The following KCNIP4 variants were observed in gnomAD, a reference collection of about 807,000 sequenced individuals.
KCNIP4 encodes Kv channel-interacting protein 4.
Under a neutral mutation model 34.0 loss-of-function variants are expected in KCNIP4, and 12 were observed. The ratio of observed to expected loss-of-function variants is 0.35; its 90% CI spans 0.23 to 0.57. The LOEUF (loss-of-function observed/expected upper bound fraction) is 0.57. Among genes scored for constraint, KCNIP4 ranks in the 20% least tolerant of loss-of-function variants. The pLI, the probability that KCNIP4 is intolerant of heterozygous loss-of-function variation, is 0.83. For synonymous variants in KCNIP4, 124 were observed against 102.2 expected, an observed-to-expected ratio of 1.21 and a Z score of -1.29; for missense variants, 238 against 311.7, an observed-to-expected ratio of 0.76 and a Z score of 1.78.
intron 1 of KCNIP4, among the ~76,000 whole-genome samples, chr4:21,101,529 T>C (rs1157887788): frequency 6.6e-6 from 1 of 152,112 alleles, no homozygotes; most frequent in Non-Finnish European, 1.5e-5. Flanking sequence ...CTTTTATTTA[T>C]ATAAAATATC....
chr4:21,921,574 C>T (rs968375324), intron 1 of KCNIP4, among the ~76,000 whole-genome samples: 31 of 152,090 alleles, frequency 2.0e-4, no homozygotes, highest in Non-Finnish European at 7.3e-5. Context: ...TTCTTCTTTC[C>T]TCAGTTTTCC....
chr4:21,319,499 C>T (rs1234752778), intron 1 of KCNIP4, among the ~76,000 whole-genome samples: 1 of 152,220 alleles, frequency 6.6e-6, no homozygotes. Context: ...CACCACTCTG[C>T]AGCTCTGGAG....
chr4:21,634,843 C>T (rs1199366630), intron 1 of KCNIP4, among the ~76,000 whole-genome samples: 1 of 152,002 alleles, frequency 6.6e-6, no homozygotes, highest in African/African-American at 2.4e-5. Flanking sequence ...TATCACATTT[C>T]CCTTTAAAGA....
chr4:21,701,788 C>T (rs1712862591), intron 1 of KCNIP4, among the ~76,000 whole-genome samples: 1 of 152,104 alleles, frequency 6.6e-6, no homozygotes, highest in Non-Finnish European at 1.5e-5. Flanking sequence ...ACTGCAACCT[C>T]TACCTCCTGG....
At position 21,814,942 on chromosome 4, in the gene KCNIP4, G is replaced by C. The variant is rs188117987; in HGVS notation, c.61+133629C>G. On this transcript the variant is annotated intron_variant, in intron 1 of 8. Transcript: ENST00000382152. ...GCCTGAGCTCTAACAATCTTACCGG[G>C]GCAACTTTGGCAACATCACATCCTC... Among the ~76,000 whole-genome samples the C allele has an allele frequency of 3.2e-3, 482 of 152,124 alleles. 2 individuals carry two copies. The highest frequency in any genetic ancestry group is 0.011 in the African/African-American group (451 of 41,502).
At chr4:21,273,356 G>C (rs531641984) in intron 1 of KCNIP4, among the ~76,000 whole-genome samples, 1 of 152,170 alleles carries the variant, frequency 6.6e-6, no homozygotes, top group South Asian at 2.1e-4. Flanking sequence ...TGGAGCAATG[G>C]AGAAATTGCT....
intron 1 of KCNIP4, among the ~76,000 whole-genome samples, chr4:21,280,340 G>A (rs1326989503): frequency 6.6e-6 from 1 of 152,136 alleles, no homozygotes; most frequent in Non-Finnish European, 1.5e-5. Context: ...GTGGAGAGGT[G>A]TAAGGCAGGT....
At chr4:21,590,042 T>C (rs770211251) in intron 1 of KCNIP4, among the ~76,000 whole-genome samples, 18 of 152,034 alleles carry the variant, frequency 1.2e-4, no homozygotes, top group Non-Finnish European at 2.4e-4. Context: ...AAAAGATTAC[T>C]ATTAGCATTT....
intron 3 of KCNIP4, among the ~76,000 whole-genome samples, chr4:20,792,093 G>T (rs914287768): frequency 1.3e-5 from 2 of 152,206 alleles, no homozygotes; most frequent in Non-Finnish European, 2.9e-5. Context: ...CAAGATAGAG[G>T]CTGGGTGCAA....
chr4:21,898,746 C>T (rs187458440), intron 1 of KCNIP4, among the ~76,000 whole-genome samples: 3 of 152,256 alleles, frequency 2.0e-5, no homozygotes, highest in Admixed American at 6.5e-5. Context: ...AAAGAGACTT[C>T]TTCTGTTTGA....
At chr4:20,897,169 T>A (rs1726635004) in intron 1 of KCNIP4, among the ~76,000 whole-genome samples, 1 of 152,226 alleles carries the variant, frequency 6.6e-6, no homozygotes, top group South Asian at 2.1e-4. Flanking sequence ...GAATAACTGA[T>A]GACTTTCCAT....
chr4:21,387,001 T>C (rs1427425732), intron 1 of KCNIP4, among the ~76,000 whole-genome samples: 1 of 152,206 alleles, frequency 6.6e-6, no homozygotes, highest in African/African-American at 2.4e-5. Context: ...AACTTCATTT[T>C]GCTATGGGCT....
chr4:20,853,914 A>G (rs1267245758), intron 2 of KCNIP4, among the ~76,000 whole-genome samples: 1 of 152,226 alleles, frequency 6.6e-6, no homozygotes, highest in East Asian at 1.9e-4. Flanking sequence ...ACTAATGATC[A>G]GGGAAATGCA....
At chr4:21,084,087 C>T (rs1488919003) in intron 1 of KCNIP4, among the ~76,000 whole-genome samples, 1 of 151,846 alleles carries the variant, frequency 6.6e-6, no homozygotes, top group Non-Finnish European at 1.5e-5. Context: ...GCTGTGGCTC[C>T]AGCAGGACTG....
chr4:20,742,364 C>T (rs919550579), intron 5 of KCNIP4, among the ~76,000 whole-genome samples: 3 of 152,078 alleles, frequency 2.0e-5, no homozygotes, highest in Non-Finnish European at 4.4e-5. Flanking sequence ...AAAAGCTTAT[C>T]CACCACTATC....
intron 1 of KCNIP4, among the ~76,000 whole-genome samples, chr4:21,276,117 T>C (rs952785200): frequency 4.7e-4 from 71 of 152,318 alleles, no homozygotes; most frequent in African/African-American, 1.6e-3. Context: ...CTACATTCTG[T>C]CCAACCGGGT....
At chr4:21,260,321 T>C (rs1039524531) in intron 1 of KCNIP4, among the ~76,000 whole-genome samples, 2 of 152,226 alleles carry the variant, frequency 1.3e-5, no homozygotes, top group Non-Finnish European at 2.9e-5. Flanking sequence ...AGTTTTGGGA[T>C]AATATGAAGA....
At chr4:21,194,596 TC>T (rs1755918528) in intron 1 of KCNIP4, among the ~76,000 whole-genome samples, 1 of 152,210 alleles carries the variant, frequency 6.6e-6, no homozygotes, top group Admixed American at 6.5e-5. Flanking sequence ...GTGGCCATGT[TC>T]CTGAGACAGG....
intron 1 of KCNIP4, among the ~76,000 whole-genome samples, chr4:21,282,868 G>C (rs144656762): frequency 6.6e-6 from 1 of 151,978 alleles, no homozygotes; most frequent in African/African-American, 2.4e-5. Context: ...CACTTTCAGC[G>C]GTTAAAATAC....
Sources: allele counts gnomAD v4.1 joint callset (sites outside exome capture counted in the v4.1 genomes callset), GRCh38; gene constraint gnomAD v4.1.1; transcripts MANE v1.5; gene names NCBI Gene and HGNC (gene_info 2026-07-23, HGNC 2026-07-21).